The following CEP57 variants were observed in gnomAD, a reference collection of about 807,000 sequenced individuals.
The protein encoded by CEP57 is centrosomal protein of 57 kDa.
In CEP57, 40 loss-of-function variants were observed where a neutral mutation model predicts 68.0. The observed-to-expected ratio is 0.59, with a 90% confidence interval of 0.46 to 0.77. CEP57 has a LOEUF of 0.77. CEP57 is among the 30% of genes least tolerant of loss of function. The probability of loss-of-function intolerance (pLI) is 0.00; values close to 1 mark genes in which losing one functional copy is unlikely to be tolerated. For missense variants in CEP57, 606 were observed against 580.7 expected (o/e 1.04, Z -0.45); for synonymous variants, 219 against 198.7 (o/e 1.10, Z -0.86).
At chr11:95,830,765 A>G (rs375096751) in intron 10 of CEP57, among the ~76,000 whole-genome samples, 6 of 152,102 alleles carry the variant, frequency 3.9e-5, no homozygotes, top group African/African-American at 1.4e-4. Context: ...ATTTAGGACA[A>G]CCAGAATTTG....
In CEP57 at chr11:95,798,200, A is replaced by G. The variant is rs185192807; in HGVS notation, c.46-1032A>G. Among the ~76,000 whole-genome samples the G allele has an allele frequency of 2.9e-3, 441 of 152,278 alleles. 4 individuals carry two copies. The highest frequency in any genetic ancestry group is 0.01 in the African/African-American group (423 of 41,558). ...CCCCACTTTTGATTGTCATAGCCAT[A>G]GTGTGTTTTATATTTATATAAATAG... On this transcript the variant is annotated intron_variant, in intron 1 of 10. Transcript: ENST00000325542.
intron 8 of CEP57, 70 bp from the exon 9 acceptor site, chr11:95,827,716 G>A: frequency 6.3e-7 from 1 of 1,590,512 alleles, no homozygotes; most frequent in South Asian, 1.1e-5. Context: ...TTTTACCTAG[G>A]CTTAGGGAAT....
intron 2 of CEP57, among the ~76,000 whole-genome samples, chr11:95,812,305 T>G (rs139457930): frequency 1.3e-5 from 2 of 152,182 alleles, no homozygotes; most frequent in African/African-American, 2.4e-5. Context: ...AGGACTGTTA[T>G]GTGAACTTTG....
At chr11:95,797,448 A>G (rs1053837737) in intron 1 of CEP57, among the ~76,000 whole-genome samples, 6 of 152,036 alleles carry the variant, frequency 3.9e-5, no homozygotes, top group African/African-American at 1.4e-4. Context: ...GATTACAGGC[A>G]TGAGCCACCA....
At chr11:95,810,328 A>G (rs1009705580) in intron 2 of CEP57, among the ~76,000 whole-genome samples, 1 of 152,228 alleles carries the variant, frequency 6.6e-6, no homozygotes, top group East Asian at 1.9e-4. Flanking sequence ...CCTATTGAAC[A>G]TAGTGTTGGA....
intron 1 of CEP57, among the ~76,000 whole-genome samples, chr11:95,794,007 A>G (rs1286991970): frequency 6.6e-6 from 1 of 152,204 alleles, no homozygotes; most frequent in Non-Finnish European, 1.5e-5. Flanking sequence ...TAGATCTTTA[A>G]TAAGTCAAAC....
rs1291592822 is a variant in CEP57 at position 95,822,516 on chromosome 11, T to C, written c.825T>C (p.Tyr275=). The C allele has an allele frequency of 6.2e-7, 1 of 1,613,388 alleles. No individual in the cohort carries two copies. The highest frequency in any genetic ancestry group is 8.5e-7 in the Non-Finnish European group (1 of 1,179,380). ...TCATTCAGAAAAGTTCTAGGAACTA[T>C]TTTGGTGCACAACCACATTATAGAT... The part of the protein sequence containing the change: ...KPPEKKSSRN[Y]FGAQPHYRLC... The change falls in exon 8 of 11, where the codon TAT becomes TAC. Residue 275 remains tyrosine, a synonymous_variant. Coordinates refer to ENST00000325542, the MANE Select transcript of CEP57 (RefSeq NM_014679.5).
intron 2 of CEP57, among the ~76,000 whole-genome samples, chr11:95,811,531 TAACA>T: frequency 6.6e-6 from 1 of 150,596 alleles, no homozygotes; most frequent in Middle Eastern, 3.4e-3. Context: ...TATACATATG[TAACA>T]AACCTGCACG....
At chr11:95,798,037 C>T (rs924225231) in intron 1 of CEP57, among the ~76,000 whole-genome samples, 3 of 152,216 alleles carry the variant, frequency 2.0e-5, no homozygotes, top group Non-Finnish European at 2.9e-5. Flanking sequence ...CCTGTAAAAC[C>T]AGATGCCAAT....
At position 95,799,325 on chromosome 11, in the gene CEP57, A is replaced by G. The variant is rs758192734; in HGVS notation, c.139A>G (p.Asn47Asp). 1 of 1,614,128 alleles carries G rather than the reference A, an allele frequency of 6.2e-7. No homozygotes were observed. Among genetic ancestry groups the G allele is most frequent in the Non-Finnish European group, 8.5e-7 (1 of 1,179,988 alleles). Residue 47 changes from asparagine (N) to aspartate (D), a missense_variant, in exon 2 of 11, where the codon AAT becomes GAT. By Grantham distance (23) the Asn-to-Asp change is conservative. Coordinates refer to ENST00000325542, the MANE Select transcript of CEP57 (RefSeq NM_014679.5). ...ATATCCTTCGGATAAGCCTTTCCTT[A>G]ATAGTGATCTACGACGCTCCCCAAG... ...VVYPSDKPFL[N>D]SDLRRSPSKP...
chr11:95,813,413 T>A, intron 3 of CEP57, 55 bp from the exon 4 acceptor site: 1 of 1,594,570 alleles, frequency 6.3e-7, no homozygotes. Context: ...TAACAGCTTG[T>A]TAAAACTATT....
In CEP57 at chr11:95,832,189, C is replaced by G. The variant is rs956083910; in HGVS notation, c.*933C>G. 2 of 151,926 alleles carry G rather than the reference C, an allele frequency of 1.3e-5. No homozygotes were observed. The highest frequency in any genetic ancestry group is 4.8e-5 in the African/African-American group (2 of 41,356). The allele number at this position is 151,926 out of a possible 1,614,324, so 9.4% of individuals were successfully genotyped here. On this transcript the variant is annotated 3_prime_UTR_variant, in exon 11 of 11. Transcript: ENST00000325542. ...TTCAACTAGATCAAGACATGTTAAC[C>G]TTTTATAAATTTAAAGTCAATAAAG...
At chr11:95,799,147 C>A in intron 1 of CEP57, 85 bp from the exon 2 acceptor site, 2 of 1,346,512 alleles carry the variant, frequency 1.5e-6, no homozygotes, top group South Asian at 1.2e-5. Flanking sequence ...TATGGACAGT[C>A]AATCTCAGTC....
chr11:95,828,105 TCTTA>T, intron 9 of CEP57, 78 bp downstream of exon 9: 1 of 1,420,726 alleles, frequency 7.0e-7, no homozygotes, highest in Middle Eastern at 2.3e-4. Context: ...CTTTATTAAA[TCTTA>T]CTTTCCTTTG....
chr11:95,808,395 A>AG (rs758851637), intron 2 of CEP57, among the ~76,000 whole-genome samples: 4 of 152,208 alleles, frequency 2.6e-5, no homozygotes, highest in Non-Finnish European at 4.4e-5. Context: ...AACAGGCTAA[A>AG]TGCTCCAATT....
intron 10 of CEP57, among the ~76,000 whole-genome samples, 184 bp downstream of exon 10, chr11:95,829,515 C>A (rs939911125): frequency 2.6e-5 from 4 of 152,152 alleles, no homozygotes; most frequent in Admixed American, 2.6e-4. Context: ...CTTTTAGTCA[C>A]TTAGCATATT....
chr11:95,790,580 C>A lies in CEP57; in HGVS notation c.-119C>A. On this transcript the variant is annotated 5_prime_UTR_variant, in exon 1 of 11. Transcript: ENST00000325542. ...CAAGCCCAGCACCAGCACCCTTGCC[C>A]TTTTCCATCAGGGGTTCAGCCTAGG... 1 of 1,271,864 alleles carries A rather than the reference C, an allele frequency of 7.9e-7. No individual in the cohort carries two copies. The allele number at this position is 1,271,864 out of a possible 1,614,324, so 78.8% of individuals were successfully genotyped here.
chr11:95,818,083 G>T, intron 5 of CEP57, 180 bp downstream of exon 5: 1 of 578,376 alleles, frequency 1.7e-6, no homozygotes, highest in Non-Finnish European at 3.1e-6. Context: ...CAATCTTGGT[G>T]GGCATTTTTT....
intron 1 of CEP57, among the ~76,000 whole-genome samples, chr11:95,792,348 A>T (rs1490773897): frequency 1.3e-5 from 2 of 152,136 alleles, no homozygotes; most frequent in African/African-American, 2.4e-5. Context: ...TGTTGAATTG[A>T]GTCTGGGTGC....
Sources: allele counts gnomAD v4.1 joint callset (sites outside exome capture counted in the v4.1 genomes callset), GRCh38; gene constraint gnomAD v4.1.1; transcripts MANE v1.5; gene names NCBI Gene and HGNC (gene_info 2026-07-23, HGNC 2026-07-21).